The following ETF1 variants were observed in gnomAD, a reference collection of about 807,000 sequenced individuals.
ETF1 encodes eukaryotic peptide chain release factor subunit 1.
In ETF1, 4 loss-of-function variants were observed where a neutral mutation model predicts 55.1. The ratio of observed to expected loss-of-function variants is 0.07; its 90% CI spans 0.04 to 0.17. The LOEUF is 0.17. Ranked by LOEUF, ETF1 falls within the 10% of genes least tolerant of loss-of-function variation. ETF1 has a pLI of 1.00. For synonymous variants in ETF1, 157 were observed against 182.3 expected (o/e 0.86, Z 1.12); for missense variants, 142 against 523.6 (o/e 0.27, Z 7.11).
chr5:138,510,990 C>A (rs1436905979), intron 8 of ETF1, 55 bp downstream of exon 8: 1 of 1,586,682 alleles, frequency 6.3e-7, no homozygotes, highest in East Asian at 2.2e-5. Flanking sequence ...CAAATCTCCA[C>A]CCCAGGCTTC....
chr5:138,511,643 C>G (rs1764791380), intron 6 of ETF1, 39 bp from the exon 7 acceptor site: 1 of 1,552,726 alleles, frequency 6.4e-7, no homozygotes, highest in Non-Finnish European at 8.7e-7. Flanking sequence ...CTTACTGGTA[C>G]TTATTTAAAA....
intron 2 of ETF1, among the ~76,000 whole-genome samples, chr5:138,542,253 G>A (rs948635326): frequency 1.3e-5 from 2 of 152,180 alleles, no homozygotes; most frequent in Admixed American, 6.5e-5. Flanking sequence ...GGAAGCTCCG[G>A]GGTAATTAGA....
At chr5:138,521,388 C>T (rs1765225982) in intron 2 of ETF1, among the ~76,000 whole-genome samples, 1 of 152,152 alleles carries the variant, frequency 6.6e-6, no homozygotes, top group Admixed American at 6.5e-5. Flanking sequence ...GTCCTAGAGA[C>T]TGGCTGCACA....
At chr5:138,512,197 CAAAA>C (rs58386195) in intron 6 of ETF1, among the ~76,000 whole-genome samples, 11 of 2,834 alleles carry the variant, frequency 3.9e-3, no homozygotes, top group African/African-American at 7.2e-3. Context: ...GACCCAGTCT[CAAAA>C]AAAAAAAAAA....
chr5:138,509,781 T>G (rs1391039864), intron 9 of ETF1, among the ~76,000 whole-genome samples: 1 of 149,436 alleles, frequency 6.7e-6, no homozygotes, highest in Non-Finnish European at 1.5e-5. Flanking sequence ...TGTAGTCCCA[T>G]CTACTCGGGA....
chr5:138,510,921 G>T (rs1764749831), intron 8 of ETF1, 124 bp downstream of exon 8: 3 of 1,492,646 alleles, frequency 2.0e-6, no homozygotes, highest in African/African-American at 2.8e-5. Context: ...CAGACTGAAG[G>T]ACTGGGGAAC....
At chr5:138,516,896 TA>T (rs1765042527) in intron 4 of ETF1, among the ~76,000 whole-genome samples, 3 of 152,170 alleles carry the variant, frequency 2.0e-5, no homozygotes, top group African/African-American at 7.2e-5. Context: ...CACTCAAATG[TA>T]AAACTGATGA....
At chr5:138,527,935 A>C (rs181313287) in intron 2 of ETF1, among the ~76,000 whole-genome samples, 4 of 151,716 alleles carry the variant, frequency 2.6e-5, no homozygotes, top group Non-Finnish European at 5.9e-5. Context: ...ACTACGCCTG[A>C]CTAATTTTGT....
In ETF1 at chr5:138,508,256, G is replaced by A. The variant is rs549103786; in HGVS notation, c.*49C>T. ...ATTCCACCATGGGTATGCTCCTTGG[G>A]TTGGATGCTGGAGGGTGAGGCACGT... On this transcript the variant is annotated 3_prime_UTR_variant, in exon 11 of 11. Transcript: ENST00000360541. 23 of 1,596,096 alleles carry A rather than the reference G, an allele frequency of 1.4e-5. No individual in the cohort carries two copies. In the African/African-American group the frequency reaches 2.5e-4, roughly 18 times the overall value.
chr5:138,538,174 G>A (rs1433053997), intron 2 of ETF1, among the ~76,000 whole-genome samples: 3 of 148,894 alleles, frequency 2.0e-5, no homozygotes, highest in Admixed American at 6.7e-5. Context: ...ACAGGCGTGA[G>A]CCACCACGCC....
intron 9 of ETF1, among the ~76,000 whole-genome samples, chr5:138,509,923 G>T (rs1314902004): frequency 6.6e-6 from 1 of 150,760 alleles, no homozygotes; most frequent in Non-Finnish European, 1.5e-5. Flanking sequence ...AAAAGGGAAT[G>T]AGGGCTTGTG....
intron 4 of ETF1, among the ~76,000 whole-genome samples, chr5:138,516,814 T>C (rs573325503): frequency 9.9e-5 from 15 of 152,250 alleles, no homozygotes; most frequent in African/African-American, 3.6e-4. Context: ...AACATGAAAA[T>C]GTATGGTCAC....
At chr5:138,509,313 T>C (rs886725091) in intron 9 of ETF1, 2 of 235,012 alleles carry the variant, frequency 8.5e-6, no homozygotes, top group South Asian at 3.1e-4. Context: ...GCCACTGCAG[T>C]GGAAGAGCTG....
chr5:138,522,044 G>C (rs1201163772), intron 2 of ETF1, among the ~76,000 whole-genome samples: 1 of 152,098 alleles, frequency 6.6e-6, no homozygotes, highest in Non-Finnish European at 1.5e-5. Context: ...TCTACATCAA[G>C]TGGATTTCAA....
intron 2 of ETF1, among the ~76,000 whole-genome samples, chr5:138,535,874 C>CA (rs35261297): frequency 0.11 from 6,506 of 57,784 alleles, 1,992 homozygotes; most frequent in African/African-American, 0.2. Flanking sequence ...GACTCCGCCT[C>CA]AAAAAAAAAA....
rs1003639203 is a variant in ETF1, at chr5:138,543,180, G to C, written c.-102C>G. On this transcript the variant is annotated 5_prime_UTR_variant, in exon 1 of 11. Transcript: ENST00000360541. The stretch of plus-strand genomic sequence containing the variant: ...GCGGCGGCTCTGACGTAGGACACCG[G>C]CTCCCTCTCTCCAGGCAGCTGCATG... 5.3e-6 allele frequency: 3 copies of C among 564,190 alleles called. No individual in the cohort carries two copies. Among genetic ancestry groups the C allele is most frequent in the South Asian group, 2.3e-5 (1 of 43,740 alleles). 34.9% of individuals were successfully genotyped at this position (564,190 alleles called of 1,614,324 possible).
intron 4 of ETF1, among the ~76,000 whole-genome samples, chr5:138,515,311 G>C (rs1764973175): frequency 6.6e-6 from 1 of 152,196 alleles, no homozygotes; most frequent in Non-Finnish European, 1.5e-5. Flanking sequence ...TGTAATCCCA[G>C]CTACTCAGGA....
In ETF1 at chr5:138,508,648, GT is replaced by G; in HGVS notation, c.1231+20del. 1 of 1,611,862 alleles carries G rather than the reference GT, an allele frequency of 6.2e-7. No individual in the cohort carries two copies. The highest frequency in any genetic ancestry group is 8.5e-7 in the Non-Finnish European group (1 of 1,179,666). On this transcript the variant is annotated intron_variant, in intron 10 of 10. Coordinates refer to ENST00000360541, the MANE Select transcript of ETF1 (RefSeq NM_004730.4). ...ACCTGAGACCCTGGTTTTAAGTTTG[GT>G]TTGCTGATTTGCTACTCACCTCCAA...
intron 9 of ETF1, among the ~76,000 whole-genome samples, chr5:138,510,351 T>C (rs1382805086): frequency 2.1e-4 from 14 of 66,518 alleles, no homozygotes; most frequent in African/African-American, 9.8e-4. Context: ...GAGCAAGACC[T>C]TGTCTCAAAA....
Sources: gnomAD v4.1 joint callset for allele counts (sites outside exome capture counted in the v4.1 genomes callset) on GRCh38, gnomAD v4.1.1 for gene constraint, MANE v1.5 for transcripts, NCBI Gene and HGNC (gene_info 2026-07-23, HGNC 2026-07-21) for gene names.